Variants in WDFY4 observed in about 807,000 individuals in gnomAD.
WDFY4 encodes the protein WDFY family member 4, also known as WD repeat- and FYVE domain-containing protein 4.
In WDFY4, 169 loss-of-function variants were observed where a neutral mutation model predicts 351.9. The observed-to-expected ratio is 0.48, with a 90% CI of 0.42 to 0.55. The LOEUF is 0.55. WDFY4 is among the 20% of genes least tolerant of loss of function. The pLI is 0.00. For synonymous variants in WDFY4, 1,622 were observed against 1,574.6 expected (o/e 1.03, Z -0.71); for missense variants, 3,803 against 3,935.6 (o/e 0.97, Z 0.90).
At chr10:48,743,707 C>T (rs1481391784) in intron 12 of WDFY4, among the ~76,000 whole-genome samples, 159 bp downstream of exon 12, 1 of 152,168 alleles carries the variant, frequency 6.6e-6, no homozygotes, top group Non-Finnish European at 1.5e-5. Flanking sequence ...GCTCTGACTC[C>T]ACACTCTTCT....
chr10:48,906,340 G>A (rs1286641807), intron 47 of WDFY4, among the ~76,000 whole-genome samples: 1 of 152,056 alleles, frequency 6.6e-6, no homozygotes, highest in East Asian at 1.9e-4. Context: ...AGTTTGCTGA[G>A]GCTTTCAGTG....
intron 24 of WDFY4, among the ~76,000 whole-genome samples, chr10:48,799,847 T>C (rs1158554897): frequency 1.3e-5 from 2 of 152,102 alleles, no homozygotes; most frequent in South Asian, 2.1e-4. Context: ...CTTTGGAAAA[T>C]AGCAGAGAGG....
intron 47 of WDFY4, among the ~76,000 whole-genome samples, chr10:48,913,167 G>A (rs1464335977): frequency 1.3e-5 from 2 of 152,216 alleles, no homozygotes; most frequent in African/African-American, 4.8e-5. Context: ...CTGTACTTGT[G>A]AGTGTGTGTG....
At chr10:48,794,616 G>C (rs1462214576) in intron 23 of WDFY4, among the ~76,000 whole-genome samples, 1 of 152,172 alleles carries the variant, frequency 6.6e-6, no homozygotes, top group Non-Finnish European at 1.5e-5. Flanking sequence ...ACCACATGGA[G>C]CTGGGAATAT....
rs201756127 is a variant in WDFY4 at position 48,813,204 on chromosome 10, G to A, written c.5215-753G>A. On this transcript the variant is annotated intron_variant, in intron 30 of 61. Coordinates refer to ENST00000325239, the MANE Select transcript of WDFY4 (RefSeq NM_001394531.1). ...AACTGAATTGAAATATGGGAGGGGC[G>A]TGGCTTTGCCAAGAGAAGGTTAAAA... 7.2e-5 allele frequency among the ~76,000 whole-genome samples: 11 copies of A among 152,178 alleles called. No individual in the cohort carries two copies. In the East Asian group the frequency reaches 1.5e-3, roughly 21 times the overall value.
chr10:48,960,576 C>G (rs1165968878), intron 53 of WDFY4, among the ~76,000 whole-genome samples: 2 of 152,168 alleles, frequency 1.3e-5, no homozygotes, highest in African/African-American at 4.8e-5. Context: ...TAGATATTTA[C>G]TCCAGAAAAT....
intron 12 of WDFY4, among the ~76,000 whole-genome samples, chr10:48,751,175 A>G (rs2065170398): frequency 6.6e-6 from 1 of 152,204 alleles, no homozygotes; most frequent in African/African-American, 2.4e-5. Context: ...AATTGAGAGG[A>G]CGCAGAGAAG....
intron 38 of WDFY4, among the ~76,000 whole-genome samples, chr10:48,831,782 T>C (rs1033962459): frequency 2.0e-5 from 3 of 152,352 alleles, no homozygotes; most frequent in South Asian, 4.1e-4. Context: ...TCTAAGATGG[T>C]ACCTTGTTGC....
Position 48,807,966 on chromosome 10 carries a change from G to A in WDFY4, c.4838+8G>A, listed in dbSNP as rs2067314989. 3 of 1,521,870 alleles carry A rather than the reference G, an allele frequency of 2.0e-6. No individual in the cohort carries two copies. The highest frequency in any genetic ancestry group is 2.5e-5 in the East Asian group (1 of 39,376). 94.3% of individuals were successfully genotyped at this position (1,521,870 alleles called of 1,614,324 possible). On this transcript the variant is annotated splice_region_variant and intron_variant, in intron 28 of 61. Transcript: ENST00000325239. ...GCTTCATCTGTCCTCTGAGTAAGTA[G>A]CTCCAGGAAGAGCAATTTGGCAGGA... is the stretch of plus-strand genomic sequence containing the variant.
intron 12 of WDFY4, among the ~76,000 whole-genome samples, chr10:48,759,312 ATCCTT>A (rs1197639764): frequency 6.6e-6 from 1 of 152,120 alleles, no homozygotes; most frequent in Non-Finnish European, 1.5e-5. Context: ...CCTCTTCTTC[ATCCTT>A]TCCTTAACAC....
At chr10:48,977,042 C>T in intron 59 of WDFY4, 63 bp downstream of exon 59, 1 of 1,300,644 alleles carries the variant, frequency 7.7e-7, no homozygotes, top group Non-Finnish European at 9.9e-7. Context: ...CCATTCTTCT[C>T]ACTTCCTCCA....
At chr10:48,802,221 T>C (rs1389142025) in intron 24 of WDFY4, among the ~76,000 whole-genome samples, 1 of 152,092 alleles carries the variant, frequency 6.6e-6, no homozygotes, top group African/African-American at 2.4e-5. Flanking sequence ...AAAAAAATTT[T>C]AACAATTAGC....
chr10:48,802,521 G>A (rs923001457), intron 24 of WDFY4, among the ~76,000 whole-genome samples: 1 of 152,098 alleles, frequency 6.6e-6, no homozygotes, highest in Non-Finnish European at 1.5e-5. Flanking sequence ...TATAGTCTGG[G>A]CCTTAGGAAC....
Position 48,813,939 on chromosome 10 carries a change from T to C in WDFY4, c.5215-18T>C. The C allele has an allele frequency of 6.6e-7, 1 of 1,524,102 alleles. No homozygotes were observed. The highest frequency in any genetic ancestry group is 2.5e-5 in the East Asian group (1 of 40,244). The allele number at this position is 1,524,102 out of a possible 1,614,324, so 94.4% of individuals were successfully genotyped here. On this transcript the variant is annotated intron_variant, in intron 30 of 61. Coordinates refer to ENST00000325239, the MANE Select transcript of WDFY4 (RefSeq NM_001394531.1). Reference sequence around the variant, plus strand: ...GAGTAGCCGCAGGTCTGCTTACAGCTCCTGCCTCCTCTTCCAGGACAGCCT... The same window carrying C: ...GAGTAGCCGCAGGTCTGCTTACAGCCCCTGCCTCCTCTTCCAGGACAGCCT...
Position 48,776,948 on chromosome 10 carries a change from C to T in WDFY4, c.3062C>T (p.Ser1021Leu), listed in dbSNP as rs1161839717. ...CCTCAGAGGGCAGCCCTGGCCCCAT[C>T]GTTTGTGGAATTTGACATGTCCGTG... ...LQPQRAALAP[S>L]FVEFDMSVEG... The change falls in exon 16 of 62, where the codon TCG (serine) becomes TTG (leucine). Residue 1021 changes from serine (S) to leucine (L), a missense_variant. By Grantham distance (145) the Ser-to-Leu change is moderately radical. Transcript: ENST00000325239. 6 of 1,552,230 alleles carry T rather than the reference C, an allele frequency of 3.9e-6. No homozygotes were observed. The highest frequency in any genetic ancestry group is 5.2e-6 in the Non-Finnish European group (6 of 1,147,136).
intron 47 of WDFY4, among the ~76,000 whole-genome samples, chr10:48,917,088 C>T (rs10857657): frequency 0.75 from 114,675 of 152,094 alleles, 43,672 homozygotes; most frequent in East Asian, 1. Flanking sequence ...CTGTACAGGT[C>T]TGTAGCCTGG....
intron 47 of WDFY4, among the ~76,000 whole-genome samples, chr10:48,912,638 G>A (rs1457666118): frequency 6.6e-6 from 1 of 152,194 alleles, no homozygotes; most frequent in African/African-American, 2.4e-5. Context: ...GCTGAGTAAG[G>A]TGTTGATTTA....
At chr10:48,884,507 CAT>C (rs1331833863) in intron 43 of WDFY4, among the ~76,000 whole-genome samples, 1 of 151,958 alleles carries the variant, frequency 6.6e-6, no homozygotes, top group Non-Finnish European at 1.5e-5. Flanking sequence ...CACAGACACA[CAT>C]GTGCAACCAC....
At chr10:48,925,756 G>C (rs1839517330) in intron 47 of WDFY4, among the ~76,000 whole-genome samples, 1 of 152,070 alleles carries the variant, frequency 6.6e-6, no homozygotes, top group Admixed American at 6.5e-5. Context: ...ATCTTACAGG[G>C]ACTCCACAGT....
Sources: allele counts gnomAD v4.1 joint callset (sites outside exome capture counted in the v4.1 genomes callset), GRCh38; gene constraint gnomAD v4.1.1; transcripts MANE v1.5; gene names NCBI Gene and HGNC (gene_info 2026-07-23, HGNC 2026-07-21).